The following DDR2 variants were observed in gnomAD, a reference collection of about 807,000 sequenced individuals.
The protein encoded by DDR2 is discoidin domain-containing receptor 2.
Under a neutral mutation model 94.9 loss-of-function variants are expected in DDR2, and 27 were observed. That is an observed-to-expected ratio of 0.28 (90% CI 0.21 to 0.39). The LOEUF is 0.39. Ranked by LOEUF, DDR2 falls within the 10% of genes least tolerant of loss-of-function variation. DDR2 has a pLI of 1.00. For missense variants in DDR2, 783 were observed against 1,076.0 expected, an observed-to-expected ratio of 0.73 and a Z score of 3.81; for synonymous variants, 382 against 377.2, an observed-to-expected ratio of 1.01 and a Z score of -0.15.
At chr1:162,774,278 G>T (rs749462557) in intron 14 of DDR2, among the ~76,000 whole-genome samples, 4 of 152,174 alleles carry the variant, frequency 2.6e-5, no homozygotes, top group Admixed American at 6.5e-5. Context: ...AGACAAGCTG[G>T]TTGAAAGCTG....
In DDR2 at chr1:162,718,070, A is replaced by G. The variant is rs192644384; in HGVS notation, c.-27-967A>G. The stretch of plus-strand genomic sequence containing the variant: ...CATTTGTTTATTCAATCATTAATTT[A>G]TAGCAGCATGAACTCATGGATATTT... On this transcript the variant is annotated intron_variant, in intron 2 of 17. Transcript: ENST00000367921. Among the ~76,000 whole-genome samples the G allele has an allele frequency of 3.2e-3, 487 of 152,322 alleles. 2 individuals are homozygous for G. Among genetic ancestry groups the G allele is most frequent in the African/African-American group, 0.011 (461 of 41,566 alleles).
intron 2 of DDR2, among the ~76,000 whole-genome samples, chr1:162,703,354 A>G (rs1308652460): frequency 2.0e-5 from 3 of 152,214 alleles, no homozygotes; most frequent in Non-Finnish European, 4.4e-5. Flanking sequence ...GAGTTCAGAG[A>G]AGGGAAGGTA....
At chr1:162,688,598 TGAA>T (rs1210776016) in intron 2 of DDR2, among the ~76,000 whole-genome samples, 1 of 152,230 alleles carries the variant, frequency 6.6e-6, no homozygotes, top group Non-Finnish European at 1.5e-5. Context: ...CTCTGCTAGT[TGAA>T]GAACATTTAT....
intron 7 of DDR2, among the ~76,000 whole-genome samples, chr1:162,758,212 C>G (rs1410072647): frequency 6.6e-6 from 1 of 152,054 alleles, no homozygotes; most frequent in East Asian, 1.9e-4. Flanking sequence ...CATTGGCTTT[C>G]ATTTAATAAT....
chr1:162,677,676 A>C (rs929210425), intron 2 of DDR2, among the ~76,000 whole-genome samples: 13 of 152,294 alleles, frequency 8.5e-5, no homozygotes, highest in African/African-American at 3.1e-4. Context: ...CTTGGAACTG[A>C]ACAGCACCTC....
At chr1:162,705,954 C>G (rs1448225233) in intron 2 of DDR2, among the ~76,000 whole-genome samples, 1 of 152,220 alleles carries the variant, frequency 6.6e-6, no homozygotes, top group Admixed American at 6.5e-5. Flanking sequence ...CAGGGACTTA[C>G]AGTCTTGAGG....
chr1:162,750,528 G>C (rs549749874), intron 3 of DDR2, among the ~76,000 whole-genome samples: 1 of 152,182 alleles, frequency 6.6e-6, no homozygotes, highest in Non-Finnish European at 1.5e-5. Flanking sequence ...TTCCATGCTC[G>C]TGGGTAGGAA....
At chr1:162,763,456 C>T (rs1171180224) in intron 9 of DDR2, among the ~76,000 whole-genome samples, 1 of 147,902 alleles carries the variant, frequency 6.8e-6, no homozygotes, top group Non-Finnish European at 1.5e-5. Flanking sequence ...GCCTAGGCCT[C>T]CCAAAGTGCT....
intron 2 of DDR2, among the ~76,000 whole-genome samples, chr1:162,673,583 G>A (rs1052659151): frequency 2.3e-5 from 3 of 130,700 alleles, no homozygotes; most frequent in African/African-American, 9.7e-5. Context: ...TTATGTGCGT[G>A]TGTGTGTGTG....
chr1:162,666,885 CAT>C (rs986822438), intron 2 of DDR2, among the ~76,000 whole-genome samples: 1 of 149,314 alleles, frequency 6.7e-6, no homozygotes, highest in African/African-American at 2.4e-5. Context: ...TCTAAAGTTT[CAT>C]ATATATATAT....
At chr1:162,717,288 G>A (rs377509450) in intron 2 of DDR2, among the ~76,000 whole-genome samples, 10 of 152,120 alleles carry the variant, frequency 6.6e-5, no homozygotes, top group South Asian at 4.2e-4. Flanking sequence ...CACCCGCCTC[G>A]GCCTTCCAAA....
intron 2 of DDR2, among the ~76,000 whole-genome samples, chr1:162,685,643 T>A (rs1053556761): frequency 1.8e-4 from 27 of 152,134 alleles, no homozygotes; most frequent in Non-Finnish European, 3.5e-4. Flanking sequence ...GGCTGTAATA[T>A]CCTAAGAGAC....
intron 2 of DDR2, among the ~76,000 whole-genome samples, chr1:162,678,756 C>A (rs1376940791): frequency 6.6e-6 from 1 of 152,154 alleles, no homozygotes; most frequent in East Asian, 1.9e-4. Context: ...CCTCGGGCAA[C>A]AAAGTAGGTT....
chr1:162,771,518 G>C (rs1647213127), intron 12 of DDR2, among the ~76,000 whole-genome samples: 1 of 151,928 alleles, frequency 6.6e-6, no homozygotes, highest in Non-Finnish European at 1.5e-5. Context: ...TTATTTCTTG[G>C]GGTGAATGGA....
Position 162,731,706 on chromosome 1 carries a change from A to G in DDR2, c.82+12561A>G, listed in dbSNP as rs76502269. 3.6e-3 allele frequency among the ~76,000 whole-genome samples: 550 copies of G among 152,330 alleles called. 7 individuals carry two copies. The highest frequency in any genetic ancestry group is 0.035 in the East Asian group (179 of 5,182). ...GTTCTCTCTTCTCCTCTTAGATATC[A>G]TTTATTGAGCCCCATTACATTCTAT... On this transcript the variant is annotated intron_variant, in intron 3 of 17. Coordinates refer to ENST00000367921, the MANE Select transcript of DDR2 (RefSeq NM_006182.4).
chr1:162,632,185 G>C (rs1656590470), upstream of DDR2: 1 of 152,030 alleles, frequency 6.6e-6, no homozygotes, highest in South Asian at 2.1e-4. Flanking sequence ...AAGTGGAGAT[G>C]GATATGGGTG....
chr1:162,746,328 G>A lies in DDR2; in HGVS notation c.83-6767G>A, dbSNP rs573099297. On this transcript the variant is annotated intron_variant, in intron 3 of 17. Transcript: ENST00000367921. ...GGCACACCAGGAGATTATATCCTGC[G>A]CCTGGCTTGGAGGGTCCCACGCCCA... 1.2e-4 allele frequency among the ~76,000 whole-genome samples: 18 copies of A among 152,328 alleles called. No homozygotes were observed. In the East Asian group the frequency reaches 1.5e-3, roughly 13 times the overall value.
At chr1:162,740,214 G>A (rs1177054819) in intron 3 of DDR2, among the ~76,000 whole-genome samples, 1 of 152,118 alleles carries the variant, frequency 6.6e-6, no homozygotes, top group Admixed American at 6.5e-5. Context: ...TTACAAAGCA[G>A]TATGTATCTA....
At chr1:162,712,170 T>C (rs1660947024) in intron 2 of DDR2, among the ~76,000 whole-genome samples, 1 of 149,622 alleles carries the variant, frequency 6.7e-6, no homozygotes, top group African/African-American at 2.5e-5. Flanking sequence ...AAGAGAAATA[T>C]GGTGTCATGT....
Sources: gnomAD v4.1 joint callset for allele counts (sites outside exome capture counted in the v4.1 genomes callset) on GRCh38, gnomAD v4.1.1 for gene constraint, MANE v1.5 for transcripts, NCBI Gene and HGNC (gene_info 2026-07-23, HGNC 2026-07-21) for gene names.